SLC15A5: variants seen among roughly 807,000 people sequenced by gnomAD.
SLC15A5 encodes the protein solute carrier family 15 member 5.
SLC15A5 carries 58 observed loss-of-function variants against 56.1 expected under a neutral mutation model. The observed-to-expected ratio is 1.03, with a 90% CI of 0.84 to 1.29. SLC15A5 has a LOEUF of 1.29. Ranked by LOEUF, SLC15A5 falls within the 50% of genes most tolerant of loss-of-function variation. SLC15A5 has a pLI of 0.00. For synonymous variants in SLC15A5, 264 were observed against 250.5 expected (o/e 1.05, Z -0.51); for missense variants, 681 against 672.1 (o/e 1.01, Z -0.15).
At chr12:16,205,631 A>C in intron 7 of SLC15A5, among the ~76,000 whole-genome samples, 1 of 145,926 alleles carries the variant, frequency 6.9e-6, no homozygotes, top group Non-Finnish European at 1.5e-5. Context: ...ACATATATAT[A>C]TACACATATA....
At chr12:16,223,589 T>G (rs1591647098) in intron 6 of SLC15A5, among the ~76,000 whole-genome samples, 1 of 152,210 alleles carries the variant, frequency 6.6e-6, no homozygotes, top group Admixed American at 6.5e-5. Context: ...ATTAGTGATC[T>G]CATTTAATCT....
At chr12:16,219,246 T>C (rs560374939) in intron 6 of SLC15A5, among the ~76,000 whole-genome samples, 1 of 152,254 alleles carries the variant, frequency 6.6e-6, no homozygotes, top group South Asian at 2.1e-4. Flanking sequence ...GGAGAAGGGC[T>C]TCAAATATTG....
At chr12:16,212,973 G>C (rs1054345643) in intron 7 of SLC15A5, among the ~76,000 whole-genome samples, 2 of 152,106 alleles carry the variant, frequency 1.3e-5, no homozygotes, top group African/African-American at 4.8e-5. Flanking sequence ...AATTTTAATT[G>C]ACCATAAGCA....
At chr12:16,202,611 C>T (rs1480046282) in intron 7 of SLC15A5, among the ~76,000 whole-genome samples, 1 of 152,130 alleles carries the variant, frequency 6.6e-6, no homozygotes, top group Non-Finnish European at 1.5e-5. Context: ...GGATATATAT[C>T]CGAAGGAGTT....
intron 8 of SLC15A5, among the ~76,000 whole-genome samples, chr12:16,194,108 G>GA (rs781311298): frequency 6.6e-6 from 1 of 151,888 alleles, no homozygotes. Flanking sequence ...ACATAGTGGG[G>GA]AAAAAAATCT....
rs1864362739 is a variant in SLC15A5, at chr12:16,237,421, T to G, written c.1162+2260A>C. ...TATTCTGTACCCAGTGGAACGTAGC[T>G]TAGTTTCTTTTGAAGTGAGTCTAGT... On this transcript the variant is annotated intron_variant, in intron 5 of 8. Coordinates refer to ENST00000344941, the MANE Select transcript of SLC15A5 (RefSeq NM_001170798.1). The surrounding 1 kb of genome is among the most constrained non-coding windows in gnomAD (Gnocchi z 4.1). Among the ~76,000 whole-genome samples the G allele has an allele frequency of 6.6e-6, 1 of 152,204 alleles. No homozygotes were observed. The highest frequency in any genetic ancestry group is 1.5e-5 in the Non-Finnish European group (1 of 68,024).
At chr12:16,251,720 A>G (rs2136799467) in intron 3 of SLC15A5, among the ~76,000 whole-genome samples, 1 of 152,110 alleles carries the variant, frequency 6.6e-6, no homozygotes, top group South Asian at 2.1e-4. Flanking sequence ...AGATGGATCC[A>G]CTGGAGAACG....
chr12:16,224,657 T>G, intron 5 of SLC15A5, 55 bp from the exon 6 acceptor site: 1 of 1,452,918 alleles, frequency 6.9e-7, no homozygotes. Context: ...TAGAGATTCA[T>G]GTAATAAGCC....
rs767955836 is a variant in SLC15A5 at position 16,235,028 on chromosome 12, C to G, written c.1162+4653G>C. ...TGGATCCATGATTTTGGCAAATTCC[C>G]AGGATAGGAAATTTGCTCAGTGTTA... On this transcript the variant is annotated intron_variant, in intron 5 of 8. Transcript: ENST00000344941. This position sits in a 1 kb window ranked among gnomAD's most constrained non-coding sequence, Gnocchi z 4.1. 2.0e-5 allele frequency among the ~76,000 whole-genome samples: 3 copies of G among 151,812 alleles called. No individual in the cohort carries two copies. Among genetic ancestry groups the G allele is most frequent in the Non-Finnish European group, 2.9e-5 (2 of 67,924 alleles).
intron 7 of SLC15A5, among the ~76,000 whole-genome samples, chr12:16,210,619 A>G (rs1301116479): frequency 6.6e-6 from 1 of 152,222 alleles, no homozygotes; most frequent in Non-Finnish European, 1.5e-5. Context: ...AGTGAAGACT[A>G]GAGAGAGAAA....
chr12:16,262,491 C>T (rs548178017), intron 2 of SLC15A5, among the ~76,000 whole-genome samples: 38 of 152,262 alleles, frequency 2.5e-4, no homozygotes, highest in Non-Finnish European at 5.0e-4. Context: ...ACCCTCTAAA[C>T]AAGGTTTTTT....
chr12:16,234,222 G>T (rs1864326016), intron 5 of SLC15A5, among the ~76,000 whole-genome samples: 1 of 152,094 alleles, frequency 6.6e-6, no homozygotes, highest in African/African-American at 2.4e-5. Context: ...TCCCATTTAT[G>T]ACAGTGGAAC....
chr12:16,216,303 C>T (rs11056826), intron 7 of SLC15A5, among the ~76,000 whole-genome samples: 81,578 of 151,918 alleles, frequency 0.54, 22,258 homozygotes, highest in South Asian at 0.74. Context: ...TTTACCAACA[C>T]GTGCAACCAA....
intron 5 of SLC15A5, among the ~76,000 whole-genome samples, chr12:16,234,272 A>G (rs149348269): frequency 2.0e-3 from 308 of 152,310 alleles, no homozygotes; most frequent in African/African-American, 6.7e-3. Flanking sequence ...ACACCTCCCA[A>G]TACTGTTGTA....
intron 1 of SLC15A5, among the ~76,000 whole-genome samples, chr12:16,276,795 AATTTACTC>A (rs1415091450): frequency 2.0e-5 from 3 of 151,998 alleles, no homozygotes; most frequent in Admixed American, 6.6e-5. Flanking sequence ...TATAGTGTCT[AATTTACTC>A]ATTTCTAAAG....
intron 7 of SLC15A5, among the ~76,000 whole-genome samples, chr12:16,210,039 C>A (rs773217905): frequency 6.6e-6 from 1 of 152,178 alleles, no homozygotes; most frequent in Non-Finnish European, 1.5e-5. Flanking sequence ...AATGTGACTT[C>A]ATGCCATTTC....
At position 16,231,627 on chromosome 12, in the gene SLC15A5, C is replaced by G. The variant is rs948337707; in HGVS notation, c.1163-7025G>C. Among the ~76,000 whole-genome samples, 5 of 152,202 alleles carry G rather than the reference C, an allele frequency of 3.3e-5. No individual in the cohort carries two copies. In the East Asian group the frequency reaches 9.6e-4, roughly 29 times the overall value. On this transcript the variant is annotated intron_variant, in intron 5 of 8. Transcript: ENST00000344941. Reference sequence around the variant, plus strand: ...GCACTGAACAGTGAAATTGTCAAGTCTCCAATTCTATCCCCATGAAACAAG... The same window carrying G: ...GCACTGAACAGTGAAATTGTCAAGTGTCCAATTCTATCCCCATGAAACAAG...
At chr12:16,268,834 A>G (rs1864720398) in intron 2 of SLC15A5, among the ~76,000 whole-genome samples, 1 of 151,982 alleles carries the variant, frequency 6.6e-6, no homozygotes, top group African/African-American at 2.4e-5. Flanking sequence ...TGGTAGGAAT[A>G]TTTCTGTCCC....
At chr12:16,207,987 A>G (rs1053526310) in intron 7 of SLC15A5, among the ~76,000 whole-genome samples, 1 of 152,056 alleles carries the variant, frequency 6.6e-6, no homozygotes, top group Admixed American at 6.6e-5. Flanking sequence ...CTTCTAAATC[A>G]TCTTTTCATA....
Sources: gnomAD v4.1 joint callset for allele counts (sites outside exome capture counted in the v4.1 genomes callset) on GRCh38, gnomAD v4.1.1 for gene constraint, Gnocchi (gnomAD v3.1) non-coding constraint, MANE v1.5 for transcripts, NCBI Gene and HGNC (gene_info 2026-07-23, HGNC 2026-07-21) for gene names.